The following IGSF21 variants were observed in gnomAD, a reference collection of about 807,000 sequenced individuals.
IGSF21 encodes the protein immunoglobin superfamily member 21, also known as immunoglobulin superfamily member 21.
In IGSF21, 28 loss-of-function variants were observed where a neutral mutation model predicts 46.8. The ratio of observed to expected loss-of-function variants is 0.60; its 90% confidence interval spans 0.44 to 0.82. The LOEUF is 0.82. IGSF21 is among the 40% of genes least tolerant of loss of function. The pLI, the probability that IGSF21 is intolerant of heterozygous loss-of-function variation, is 0.00. For synonymous variants in IGSF21, 284 were observed against 273.6 expected, an observed-to-expected ratio of 1.04 and a Z score of -0.38; for missense variants, 624 against 665.5, an observed-to-expected ratio of 0.94 and a Z score of 0.69.
At chr1:18,298,224 G>C (rs530172756) in intron 3 of IGSF21, among the ~76,000 whole-genome samples, 7 of 152,170 alleles carry the variant, frequency 4.6e-5, no homozygotes, top group Non-Finnish European at 7.4e-5. Flanking sequence ...TCTGATATGC[G>C]GTTTGTCAAG....
chr1:18,208,569 T>C (rs2084357719), intron 1 of IGSF21, among the ~76,000 whole-genome samples: 1 of 88,748 alleles, frequency 1.1e-5, no homozygotes, highest in Non-Finnish European at 2.4e-5. Flanking sequence ...TTTTTTTTTT[T>C]TGTATTTTTA....
At chr1:18,125,130 C>T (rs2086265054) in intron 1 of IGSF21, among the ~76,000 whole-genome samples, 1 of 152,180 alleles carries the variant, frequency 6.6e-6, no homozygotes, top group African/African-American at 2.4e-5. Flanking sequence ...CCCTGTCCCC[C>T]TGCCACACAG....
chr1:18,296,691 G>A (rs969304639), intron 3 of IGSF21, among the ~76,000 whole-genome samples: 1 of 152,240 alleles, frequency 6.6e-6, no homozygotes, highest in African/African-American at 2.4e-5. Context: ...ATTTGAGGTG[G>A]CGTGTCCTGA....
In IGSF21 at chr1:18,322,666, T is replaced by G. The variant is rs568047506; in HGVS notation, c.306-12226T>G. ...CCTGCCTGCCAGTCCTGGGATGGCG[T>G]CGGGTGAAGGTAGGAAAAACACTCT... On this transcript the variant is annotated intron_variant, in intron 3 of 9. Coordinates refer to ENST00000251296, the MANE Select transcript of IGSF21 (RefSeq NM_032880.5). The surrounding 1 kb of genome is among the most constrained non-coding windows in gnomAD (Gnocchi z 4.3). 2.3e-4 allele frequency among the ~76,000 whole-genome samples: 35 copies of G among 152,034 alleles called. No homozygotes were observed. Among genetic ancestry groups the G allele is most frequent in the Non-Finnish European group, 4.4e-4 (30 of 68,004 alleles).
intron 1 of IGSF21, among the ~76,000 whole-genome samples, chr1:18,209,492 T>A (rs575825079): frequency 3.3e-5 from 5 of 151,982 alleles, no homozygotes; most frequent in African/African-American, 1.2e-4. Flanking sequence ...TCTCACTCTG[T>A]CGCCCAGGCT....
intron 2 of IGSF21, among the ~76,000 whole-genome samples, chr1:18,285,010 C>T (rs1012547638): frequency 1.1e-4 from 17 of 152,110 alleles, no homozygotes; most frequent in Admixed American, 9.2e-4. Flanking sequence ...TTTAAACAGC[C>T]GGCAAAATAC....
At chr1:18,276,082 T>C (rs1223265720) in intron 2 of IGSF21, among the ~76,000 whole-genome samples, 1 of 152,296 alleles carries the variant, frequency 6.6e-6, no homozygotes, top group Non-Finnish European at 1.5e-5. Context: ...GGCACAACCA[T>C]CTTCCCCCAA....
At chr1:18,358,273 A>C (rs957350863) in intron 4 of IGSF21, among the ~76,000 whole-genome samples, 2 of 152,184 alleles carry the variant, frequency 1.3e-5, no homozygotes, top group Admixed American at 6.5e-5. Flanking sequence ...TGTAAAGTAC[A>C]TATGTCACTG....
chr1:18,260,350 C>A (rs963345118), intron 2 of IGSF21, among the ~76,000 whole-genome samples: 2 of 152,208 alleles, frequency 1.3e-5, no homozygotes, highest in Non-Finnish European at 2.9e-5. Flanking sequence ...GGTGGGGGAG[C>A]CCCAAAATTG....
chr1:18,259,743 G>A (rs2084929063), intron 2 of IGSF21, among the ~76,000 whole-genome samples: 1 of 152,194 alleles, frequency 6.6e-6, no homozygotes, highest in Non-Finnish European at 1.5e-5. Flanking sequence ...CAGAGAAGGA[G>A]CCAGTGGGTG....
chr1:18,193,487 C>T (rs558275171), intron 1 of IGSF21, among the ~76,000 whole-genome samples: 4 of 152,270 alleles, frequency 2.6e-5, no homozygotes, highest in East Asian at 3.9e-4. Flanking sequence ...GCCAGGAGTG[C>T]CAGTCTGAGT....
chr1:18,143,283 C>T (rs1340095907), intron 1 of IGSF21, among the ~76,000 whole-genome samples: 1 of 152,160 alleles, frequency 6.6e-6, no homozygotes, highest in Admixed American at 6.5e-5. Flanking sequence ...TGTGCTATCC[C>T]CCACCCCCTC....
chr1:18,295,026 CTG>C lies in IGSF21; in HGVS notation c.305+3040_305+3041del, dbSNP rs5772800. Among the ~76,000 whole-genome samples, 1,010 of 152,358 alleles carry C rather than the reference CTG, an allele frequency of 6.6e-3. 3 individuals carry two copies. Among genetic ancestry groups the C allele is most frequent in the Non-Finnish European group, 9.5e-3 (648 of 68,044 alleles). On this transcript the variant is annotated intron_variant, in intron 3 of 9. Coordinates refer to ENST00000251296, the MANE Select transcript of IGSF21 (RefSeq NM_032880.5). Reference sequence around the variant, plus strand: ...TGGGGAAAGTAGGGAGAGAATGAGACTGAGAAGATTACCAAGAATTGGCTGAG... The same window carrying C: ...TGGGGAAAGTAGGGAGAGAATGAGACAGAAGATTACCAAGAATTGGCTGAG...
At chr1:18,119,691 A>G (rs918798022) in intron 1 of IGSF21, among the ~76,000 whole-genome samples, 3 of 152,032 alleles carry the variant, frequency 2.0e-5, no homozygotes, top group African/African-American at 7.3e-5. Context: ...TTTCTTTCCA[A>G]CATAAAGATA....
Position 18,259,716 on chromosome 1 carries a change from C to T in IGSF21, c.183+31706C>T, listed in dbSNP as rs111973949. 2.5e-3 allele frequency among the ~76,000 whole-genome samples: 384 copies of T among 152,242 alleles called. 4 individuals are homozygous for T. Among genetic ancestry groups the T allele is most frequent in the African/African-American group, 8.6e-3 (358 of 41,548 alleles). On this transcript the variant is annotated intron_variant, in intron 2 of 9. Coordinates refer to ENST00000251296, the MANE Select transcript of IGSF21 (RefSeq NM_032880.5). ...TACACACATAGGATGAGGAATGGTA[C>T]ACACGTGTATAGGCTGCAGAGAAGG...
chr1:18,274,844 G>A (rs1394500802), intron 2 of IGSF21, among the ~76,000 whole-genome samples: 3 of 152,148 alleles, frequency 2.0e-5, no homozygotes, highest in Non-Finnish European at 4.4e-5. Context: ...TGGCCAACAC[G>A]GTGAAACCCC....
chr1:18,345,284 A>G (rs904896106), intron 4 of IGSF21, among the ~76,000 whole-genome samples: 2 of 152,218 alleles, frequency 1.3e-5, no homozygotes, highest in African/African-American at 4.8e-5. Flanking sequence ...AATTCCTTAG[A>G]GAGTTGAGGA....
chr1:18,238,249 G>C (rs2084691401), intron 2 of IGSF21, among the ~76,000 whole-genome samples: 1 of 152,214 alleles, frequency 6.6e-6, no homozygotes, highest in South Asian at 2.1e-4. Flanking sequence ...GTAGCTGCGA[G>C]GTTGTGCCAG....
intron 2 of IGSF21, among the ~76,000 whole-genome samples, chr1:18,260,415 C>T (rs1557612069): frequency 1.3e-5 from 2 of 152,200 alleles, no homozygotes; most frequent in African/African-American, 2.4e-5. Context: ...AGAGGTAAGC[C>T]GATGGTGTTA....
Sources: allele counts gnomAD v4.1 joint callset (sites outside exome capture counted in the v4.1 genomes callset), GRCh38; gene constraint gnomAD v4.1.1; non-coding constraint Gnocchi (gnomAD v3.1); transcripts MANE v1.5; gene names NCBI Gene and HGNC (gene_info 2026-07-23, HGNC 2026-07-21).